Variants in ATP13A4 observed in about 807,000 individuals in gnomAD.
ATP13A4 encodes probable cation-transporting ATPase 13A4.
A neutral mutation model predicts 142.5 loss-of-function variants in ATP13A4; 114 were observed. The ratio of observed to expected loss-of-function variants is 0.80; its 90% CI spans 0.69 to 0.93. The LOEUF is 0.93. Ranked by LOEUF, ATP13A4 falls within the 40% of genes least tolerant of loss-of-function variation. The probability of loss-of-function intolerance (pLI) is 0.00; values close to 1 mark genes in which losing one functional copy is unlikely to be tolerated. For synonymous variants in ATP13A4, 488 were observed against 514.8 expected, an observed-to-expected ratio of 0.95 and a Z score of 0.70; for missense variants, 1,392 against 1,454.0, an observed-to-expected ratio of 0.96 and a Z score of 0.69.
chr3:193,473,259 C>A (rs540832857), intron 8 of ATP13A4, among the ~76,000 whole-genome samples: 34 of 152,236 alleles, frequency 2.2e-4, no homozygotes, highest in Middle Eastern at 3.4e-3. Flanking sequence ...ACAATTTGAA[C>A]ATCAAAGTAA....
chr3:193,454,751 T>C (rs1717486946), intron 16 of ATP13A4, among the ~76,000 whole-genome samples: 1 of 152,080 alleles, frequency 6.6e-6, no homozygotes, highest in African/African-American at 2.4e-5. Flanking sequence ...AACCTAAAAC[T>C]ATAAAAGCCT....
At chr3:193,573,259 C>T (rs562160973) in intron 2 of ATP13A4, among the ~76,000 whole-genome samples, 776 of 72,664 alleles carry the variant, frequency 0.011, 6 homozygotes, top group Non-Finnish European at 0.015. Flanking sequence ...AATACCACAG[C>T]CATATATATA....
In ATP13A4 at chr3:193,531,342, G is replaced by A. The variant is rs571945163; in HGVS notation, c.61-16471C>T. On this transcript the variant is annotated intron_variant, in intron 1 of 29. Transcript: ENST00000342695. ...AGGAAGGAAGGAAGGAAGGAAGGGA[G>A]GAAGAGAGGGAGGGAGGAGGGAGGG... 6.3e-5 allele frequency among the ~76,000 whole-genome samples: 8 copies of A among 127,058 alleles called. No homozygotes were observed. In the South Asian group the frequency reaches 2.3e-3, roughly 36 times the overall value. The allele number at this position is 127,058 out of a possible 152,430, so 83.4% of individuals were successfully genotyped here.
chr3:193,562,317 T>A (rs918110918), intron 2 of ATP13A4, among the ~76,000 whole-genome samples: 4 of 152,256 alleles, frequency 2.6e-5, no homozygotes, highest in Non-Finnish European at 5.9e-5. Flanking sequence ...GTAGATCTAT[T>A]GTCATAGCAA....
In ATP13A4 at chr3:193,417,941, T is replaced by C. The variant is rs918753652; in HGVS notation, c.2843-3191A>G. On this transcript the variant is annotated intron_variant, in intron 25 of 29. Transcript: ENST00000342695. ...ATCGAGACCATCCCGGCTAAAACGG[T>C]GAAACCCCGTCTCTACTAAAAATAC... Among the ~76,000 whole-genome samples, 5 of 144,832 alleles carry C rather than the reference T, an allele frequency of 3.5e-5. 1 individual carries two copies. Among genetic ancestry groups the C allele is most frequent in the African/African-American group, 1.3e-4 (5 of 38,700 alleles).
At chr3:193,580,953 G>C (rs888099456) in intron 2 of ATP13A4, among the ~76,000 whole-genome samples, 2 of 152,116 alleles carry the variant, frequency 1.3e-5, no homozygotes, top group East Asian at 3.9e-4. Context: ...TTCCAAAAAT[G>C]ATGTGTTCAT....
chr3:193,489,853 T>C lies in ATP13A4; in HGVS notation c.615A>G (p.Pro205=). 6.2e-7 allele frequency: 1 copy of C among 1,613,078 alleles called. No homozygotes were observed. The highest frequency in any genetic ancestry group is 8.5e-7 in the Non-Finnish European group (1 of 1,179,252). The change falls in exon 7 of 30, where the codon CCA becomes CCG. Residue 205 remains proline, a synonymous_variant. Transcript: ENST00000342695. ...CACTGAAGAGTTGAAATATATAAAA[T>C]GGATTTAGAACCTGTTGGCAGACAT... ...WKLLIKEVLN[P]FYIFQLFSVC... is the part of the protein sequence containing the mutation.
intron 21 of ATP13A4, among the ~76,000 whole-genome samples, chr3:193,439,521 C>T (rs1359866022): frequency 6.6e-6 from 1 of 152,098 alleles, no homozygotes; most frequent in Non-Finnish European, 1.5e-5. Context: ...CTTATAAAGT[C>T]TAAAATGATA....
At chr3:193,561,034 G>C (rs912745472) in intron 2 of ATP13A4, among the ~76,000 whole-genome samples, 2 of 152,216 alleles carry the variant, frequency 1.3e-5, no homozygotes, top group African/African-American at 2.4e-5. Context: ...TTCCGAGTGG[G>C]AGCCTGGCAT....
At chr3:193,456,902 T>G (rs1412821405) in intron 16 of ATP13A4, 98 bp downstream of exon 16, 3 of 1,428,108 alleles carry the variant, frequency 2.1e-6, no homozygotes, top group South Asian at 1.2e-5. Flanking sequence ...CAATTGGTGA[T>G]GACCCATAGG....
chr3:193,529,150 G>T (rs1318483170), intron 1 of ATP13A4, among the ~76,000 whole-genome samples: 2 of 151,932 alleles, frequency 1.3e-5, no homozygotes, highest in Non-Finnish European at 2.9e-5. Context: ...CATGCCTGTA[G>T]TCCCAGCTAC....
At chr3:193,588,133 AAAAT>A (rs967626662) in intron 1 of ATP13A4, among the ~76,000 whole-genome samples, 2 of 152,182 alleles carry the variant, frequency 1.3e-5, no homozygotes, top group African/African-American at 4.8e-5. Flanking sequence ...ACGCTGTCTC[AAAAT>A]AAATAAATAA....
Position 193,464,561 on chromosome 3 carries a change from T to C in ATP13A4, c.1461+379A>G, listed in dbSNP as rs182986864. Among the ~76,000 whole-genome samples, 59 of 152,348 alleles carry C rather than the reference T, an allele frequency of 3.9e-4. No individual in the cohort carries two copies. In the East Asian group the frequency reaches 6.9e-3, roughly 18 times the overall value. On this transcript the variant is annotated intron_variant, in intron 12 of 29. Coordinates refer to ENST00000342695, the MANE Select transcript of ATP13A4 (RefSeq NM_032279.4). The stretch of plus-strand genomic sequence containing the variant: ...TGTTCATTAATTCAATCGATATTTA[T>C]TGCACACTAACTATATGCCAGGCAA...
At chr3:193,500,199 G>A (rs1364602345) in intron 3 of ATP13A4, among the ~76,000 whole-genome samples, 1 of 152,172 alleles carries the variant, frequency 6.6e-6, no homozygotes, top group Non-Finnish European at 1.5e-5. Flanking sequence ...CTGCTGCGGG[G>A]TGAATTTCAT....
chr3:193,480,399 A>G lies in ATP13A4; in HGVS notation c.808+3537T>C, dbSNP rs142505767. On this transcript the variant is annotated intron_variant, in intron 8 of 29. Transcript: ENST00000342695. ...TACTTCTGTTGAAGGACTAATACCC[A>G]GAATCTACGAGGAACCCAAACAAAT... is the stretch of plus-strand genomic sequence containing the variant. Among the ~76,000 whole-genome samples, 55 of 152,302 alleles carry G rather than the reference A, an allele frequency of 3.6e-4. No individual in the cohort carries two copies. The East Asian group carries it at 6.2e-3, about 17-fold the overall frequency.
intron 1 of ATP13A4, among the ~76,000 whole-genome samples, chr3:193,590,620 T>C (rs1724745142): frequency 6.6e-6 from 1 of 152,224 alleles, no homozygotes; most frequent in South Asian, 2.1e-4. Context: ...GGGACTATTA[T>C]AATCCTTTCT....
chr3:193,412,219 A>G lies in ATP13A4; in HGVS notation c.3167T>C (p.Phe1056Ser). Residue 1056 changes from phenylalanine (F) to serine (S), a missense_variant, in exon 27 of 30, where the codon TTC (phenylalanine) becomes TCC (serine). Transcript: ENST00000342695. Reference sequence around the variant, plus strand: ...CTGTCTAAATGGTTTTCCTTTAGAGAACACAAGAGCCACAGTGATACAGTT... The same window carrying G: ...CTGTCTAAATGGTTTTCCTTTAGAGGACACAAGAGCCACAGTGATACAGTT... ...TINCITVALV[F>S]SKGKPFRQPT... 1 of 1,613,266 alleles carries G rather than the reference A, an allele frequency of 6.2e-7. No individual in the cohort carries two copies. The highest frequency in any genetic ancestry group is 8.5e-7 in the Non-Finnish European group (1 of 1,179,232).
intron 14 of ATP13A4, chr3:193,458,867 T>C (rs1717786891): frequency 1.5e-6 from 1 of 650,240 alleles, no homozygotes; most frequent in South Asian, 1.8e-5. Flanking sequence ...TACTGCATCA[T>C]CTCATTTAAT....
chr3:193,508,284 C>T (rs1353354137), intron 2 of ATP13A4, among the ~76,000 whole-genome samples: 2 of 152,224 alleles, frequency 1.3e-5, no homozygotes, highest in Non-Finnish European at 2.9e-5. Flanking sequence ...GGCAAATACA[C>T]TGCCCAAGGT....
Sources: gnomAD v4.1 joint callset for allele counts (sites outside exome capture counted in the v4.1 genomes callset) on GRCh38, gnomAD v4.1.1 for gene constraint, MANE v1.5 for transcripts, NCBI Gene and HGNC (gene_info 2026-07-23, HGNC 2026-07-21) for gene names.